FBXO4: variants seen among roughly 807,000 people sequenced by gnomAD.
The protein encoded by FBXO4 is F-box protein 4.
In FBXO4, 36 loss-of-function variants were observed where a neutral mutation model predicts 43.7. That is an observed-to-expected ratio of 0.82 (90% CI 0.63 to 1.09). The LOEUF (loss-of-function observed/expected upper bound fraction) is 1.09. FBXO4 is among the 50% of genes least tolerant of loss of function. The pLI, the probability that FBXO4 is intolerant of heterozygous loss-of-function variation, is 0.00. For synonymous variants in FBXO4, 180 were observed against 165.6 expected, an observed-to-expected ratio of 1.09 and a Z score of -0.67; for missense variants, 435 against 474.1, an observed-to-expected ratio of 0.92 and a Z score of 0.77.
the FBXO4 span, among the ~76,000 whole-genome samples, chr5:41,984,065 T>C: frequency 6.6e-6 from 1 of 152,212 alleles, no homozygotes; most frequent in South Asian, 2.1e-4. Context: ...CTATCTAGTA[T>C]ATAAAAAATA....
the FBXO4 span, among the ~76,000 whole-genome samples, chr5:42,015,805 T>C: frequency 6.6e-6 from 1 of 152,140 alleles, no homozygotes; most frequent in East Asian, 1.9e-4. Context: ...TCTCAAGTGA[T>C]ACTATTTTTA....
chr5:42,004,338 C>T, the FBXO4 span, among the ~76,000 whole-genome samples: 1 of 151,818 alleles, frequency 6.6e-6, no homozygotes, highest in Non-Finnish European at 1.5e-5. Flanking sequence ...AATTAAGAAA[C>T]AAAAGATCAA....
the FBXO4 span, among the ~76,000 whole-genome samples, chr5:41,962,255 G>A: frequency 1.3e-5 from 2 of 152,122 alleles, no homozygotes; most frequent in African/African-American, 4.8e-5. Context: ...GCTAGATTTG[G>A]GACCTGAGCA....
At chr5:42,019,644 G>A in the FBXO4 span, among the ~76,000 whole-genome samples, 1 of 149,800 alleles carries the variant, frequency 6.7e-6, no homozygotes, top group Non-Finnish European at 1.5e-5. Flanking sequence ...AATGATTCAA[G>A]ATCACACCAT....
the FBXO4 span, among the ~76,000 whole-genome samples, chr5:41,981,803 G>A: frequency 6.6e-6 from 1 of 151,016 alleles, no homozygotes; most frequent in Non-Finnish European, 1.5e-5. Flanking sequence ...CAACATGCAG[G>A]TTTGTTACTT....
the FBXO4 span, chr5:41,951,994 C>T: frequency 9.5e-6 from 3 of 316,004 alleles, no homozygotes; most frequent in East Asian, 9.0e-5. Context: ...TTTCCAATCA[C>T]AGCAATGACA....
the FBXO4 span, among the ~76,000 whole-genome samples, chr5:41,999,496 T>TATATATATAC: frequency 9.5e-4 from 64 of 67,100 alleles, no homozygotes; most frequent in Middle Eastern, 7.6e-3. Flanking sequence ...TATATATACA[T>TATATATATAC]ATATATATGT....
At chr5:42,027,679 A>G in the FBXO4 span, among the ~76,000 whole-genome samples, 2 of 151,742 alleles carry the variant, frequency 1.3e-5, no homozygotes, top group Non-Finnish European at 3.0e-5. Flanking sequence ...AGGCACTGAT[A>G]AGCTACAAAC....
At chr5:42,011,668 AGGT>A in the FBXO4 span, among the ~76,000 whole-genome samples, 2 of 152,200 alleles carry the variant, frequency 1.3e-5, no homozygotes, top group African/African-American at 2.4e-5. Context: ...TATTATTCAT[AGGT>A]TTAGGATAAC....
chr5:42,024,356 G>A, the FBXO4 span, among the ~76,000 whole-genome samples: 2 of 151,916 alleles, frequency 1.3e-5, no homozygotes, highest in African/African-American at 4.8e-5. Context: ...TTTGTTGTCT[G>A]TGTAACAGAA....
chr5:41,981,942 T>C, the FBXO4 span, among the ~76,000 whole-genome samples: 1 of 143,372 alleles, frequency 7.0e-6, no homozygotes, highest in Admixed American at 7.0e-5. Context: ...ATGTTCCCCT[T>C]CCTGTGCCCA....
At chr5:41,979,773 T>A in the FBXO4 span, among the ~76,000 whole-genome samples, 1 of 152,316 alleles carries the variant, frequency 6.6e-6, no homozygotes, top group African/African-American at 2.4e-5. Flanking sequence ...GGCTTTCTAT[T>A]ATCCAAGAAG....
At chr5:41,973,466 C>T in the FBXO4 span, among the ~76,000 whole-genome samples, 1 of 152,120 alleles carries the variant, frequency 6.6e-6, no homozygotes, top group Non-Finnish European at 1.5e-5. Flanking sequence ...TGCTTGAGCC[C>T]AGGGGTTTGA....
intron 1 of FBXO4, 82 bp from the exon 2 acceptor site, chr5:41,926,931 T>G (rs1751522237): frequency 1.3e-6 from 1 of 748,366 alleles, no homozygotes; most frequent in Non-Finnish European, 2.2e-6. Context: ...CTTTTGTTAT[T>G]TATTTGTTGA....
the FBXO4 span, among the ~76,000 whole-genome samples, chr5:42,022,568 A>G: frequency 6.6e-6 from 1 of 152,018 alleles, no homozygotes. Flanking sequence ...TTTCAGGCTC[A>G]CCATTGAAGT....
the FBXO4 span, among the ~76,000 whole-genome samples, chr5:41,969,198 C>T: frequency 6.6e-6 from 1 of 152,182 alleles, no homozygotes; most frequent in Admixed American, 6.5e-5. Flanking sequence ...TTTATTAATA[C>T]CTAAGCTTAC....
At chr5:42,000,244 T>C in the FBXO4 span, among the ~76,000 whole-genome samples, 4 of 152,224 alleles carry the variant, frequency 2.6e-5, no homozygotes, top group Admixed American at 1.3e-4. Context: ...CCTATGTTGA[T>C]TCCATATCTT....
chr5:41,969,878 A>C, the FBXO4 span, among the ~76,000 whole-genome samples: 1 of 152,120 alleles, frequency 6.6e-6, no homozygotes, highest in Admixed American at 6.6e-5. Flanking sequence ...TTGTGAAAAA[A>C]AGGTGGGGAT....
At chr5:41,994,369 G>T in the FBXO4 span, among the ~76,000 whole-genome samples, 2 of 152,198 alleles carry the variant, frequency 1.3e-5, no homozygotes, top group African/African-American at 4.8e-5. Flanking sequence ...GACAATTACA[G>T]TCCTTGTGTT....
Sources: allele counts gnomAD v4.1 joint callset (sites outside exome capture counted in the v4.1 genomes callset), GRCh38; gene constraint gnomAD v4.1.1; transcripts MANE v1.5; gene names NCBI Gene and HGNC (gene_info 2026-07-23, HGNC 2026-07-21).